The following CSMD3 variants were observed in gnomAD, a reference collection of about 807,000 sequenced individuals.
CSMD3 encodes CUB and sushi domain-containing protein 3.
In CSMD3, 177 loss-of-function variants were observed where a neutral mutation model predicts 435.2. The observed-to-expected ratio is 0.41, with a 90% confidence interval of 0.36 to 0.46. CSMD3 has a LOEUF of 0.46. Among genes scored for constraint, CSMD3 ranks in the 20% least tolerant of loss-of-function variants. The probability of loss-of-function intolerance (pLI) is 0.34; values close to 1 mark genes in which losing one functional copy is unlikely to be tolerated. For synonymous variants in CSMD3, 1,656 were observed against 1,520.5 expected (o/e 1.09, Z -2.07); for missense variants, 4,265 against 4,504.6 (o/e 0.95, Z 1.52).
intron 1 of CSMD3, among the ~76,000 whole-genome samples, chr8:113,359,893 AAACATGTGCAGCTTC>A (rs1310648742): frequency 6.6e-6 from 1 of 152,186 alleles, no homozygotes; most frequent in Non-Finnish European, 1.5e-5. Context: ...TTTTGAAATC[AAACATGTGCAGCTTC>A]AACATGGGTA....
At chr8:112,275,290 G>C (rs1185351864) in intron 59 of CSMD3, among the ~76,000 whole-genome samples, 1 of 152,144 alleles carries the variant, frequency 6.6e-6, no homozygotes, top group Non-Finnish European at 1.5e-5. Context: ...GCTCTCGCCT[G>C]TAACCCCAGC....
chr8:113,279,144 A>G (rs137949977), intron 2 of CSMD3, among the ~76,000 whole-genome samples: 1 of 151,228 alleles, frequency 6.6e-6, no homozygotes, highest in African/African-American at 2.4e-5. Flanking sequence ...ATATTTATGT[A>G]ATTATGACTA....
At chr8:113,012,801 A>G (rs2086304725) in intron 6 of CSMD3, among the ~76,000 whole-genome samples, 1 of 152,010 alleles carries the variant, frequency 6.6e-6, no homozygotes, top group Non-Finnish European at 1.5e-5. Context: ...TCCCTTTGAT[A>G]ATACAGTTCA....
intron 22 of CSMD3, among the ~76,000 whole-genome samples, chr8:112,608,411 C>A (rs1055699866): frequency 7.2e-5 from 11 of 152,052 alleles, no homozygotes; most frequent in Middle Eastern, 3.4e-3. Flanking sequence ...ATCAAAATTC[C>A]AATAGCATTT....
At chr8:112,955,749 C>G (rs1390509766) in intron 7 of CSMD3, among the ~76,000 whole-genome samples, 1 of 151,724 alleles carries the variant, frequency 6.6e-6, no homozygotes, top group Non-Finnish European at 1.5e-5. Flanking sequence ...GTGTGGAAAT[C>G]TTTACATATT....
At chr8:112,250,989 A>T (rs1815206626) in intron 63 of CSMD3, among the ~76,000 whole-genome samples, 1 of 151,740 alleles carries the variant, frequency 6.6e-6, no homozygotes, top group Non-Finnish European at 1.5e-5. Flanking sequence ...AAATAATATA[A>T]TAGACATTTT....
intron 7 of CSMD3, among the ~76,000 whole-genome samples, chr8:112,965,438 C>T (rs897112723): frequency 6.6e-5 from 10 of 151,340 alleles, no homozygotes; most frequent in East Asian, 1.9e-4. Flanking sequence ...ATCTGATTAA[C>T]GGTTACAGGT....
chr8:112,365,311 T>C (rs1827659775), intron 38 of CSMD3, among the ~76,000 whole-genome samples: 1 of 152,054 alleles, frequency 6.6e-6, no homozygotes. Context: ...AACTTATTTA[T>C]ATGTTAGGTA....
chr8:112,444,606 CA>C (rs1815393932), intron 32 of CSMD3, among the ~76,000 whole-genome samples: 1 of 152,098 alleles, frequency 6.6e-6, no homozygotes, highest in Non-Finnish European at 1.5e-5. Flanking sequence ...ATAAGGCAAA[CA>C]AAATAGTGCA....
intron 1 of CSMD3, among the ~76,000 whole-genome samples, chr8:113,394,369 T>C (rs1249198918): frequency 2.0e-5 from 3 of 152,140 alleles, no homozygotes; most frequent in Non-Finnish European, 4.4e-5. Context: ...TCTTTTTTAC[T>C]GAATACATAT....
intron 5 of CSMD3, among the ~76,000 whole-genome samples, chr8:113,083,945 T>C (rs979991782): frequency 2.0e-5 from 3 of 151,922 alleles, no homozygotes; most frequent in African/African-American, 7.3e-5. Flanking sequence ...TGCCCTCCAG[T>C]CTGGACAACA....
chr8:112,343,866 T>G (rs751281250), intron 41 of CSMD3, among the ~76,000 whole-genome samples: 4 of 151,634 alleles, frequency 2.6e-5, no homozygotes, highest in Admixed American at 2.0e-4. Context: ...CCAGGCTGGT[T>G]GATTATTTAT....
At chr8:113,254,228 C>T (rs1054800156) in intron 3 of CSMD3, among the ~76,000 whole-genome samples, 6 of 152,144 alleles carry the variant, frequency 3.9e-5, no homozygotes, top group African/African-American at 1.4e-4. Context: ...GGTAAGGTTT[C>T]CCTTCTAATG....
intron 3 of CSMD3, among the ~76,000 whole-genome samples, chr8:113,177,789 T>C (rs1483490291): frequency 6.6e-6 from 1 of 152,052 alleles, no homozygotes; most frequent in Admixed American, 6.6e-5. Context: ...TGGAAATATG[T>C]ATATTTTATT....
intron 6 of CSMD3, among the ~76,000 whole-genome samples, chr8:112,987,751 T>G (rs1191031334): frequency 6.6e-6 from 1 of 152,120 alleles, no homozygotes; most frequent in South Asian, 2.1e-4. Context: ...ATATTTCTTT[T>G]CCATCACCTC....
chr8:112,815,106 G>T (rs555339785), intron 12 of CSMD3, among the ~76,000 whole-genome samples: 10 of 150,774 alleles, frequency 6.6e-5, no homozygotes, highest in African/African-American at 2.4e-4. Flanking sequence ...AAAAAAAAAA[G>T]AAAAAACCCT....
At chr8:112,887,158 A>C (rs370999900) in intron 10 of CSMD3, among the ~76,000 whole-genome samples, 1 of 151,042 alleles carries the variant, frequency 6.6e-6, no homozygotes, top group East Asian at 2.0e-4. Context: ...CACCTATCAT[A>C]TAGTAAGCAC....
chr8:112,554,884 T>G (rs968484047), intron 25 of CSMD3, among the ~76,000 whole-genome samples: 19 of 152,036 alleles, frequency 1.2e-4, no homozygotes, highest in Admixed American at 1.2e-3. Flanking sequence ...CTTATTTGAC[T>G]GAGGCTAAAA....
At chr8:112,481,828 C>A (rs1563595964) in intron 31 of CSMD3, among the ~76,000 whole-genome samples, 1 of 152,030 alleles carries the variant, frequency 6.6e-6, no homozygotes, top group African/African-American at 2.4e-5. Context: ...TTCTTTTGTT[C>A]AAAAATTTGA....
Sources: allele counts gnomAD v4.1 joint callset (sites outside exome capture counted in the v4.1 genomes callset), GRCh38; gene constraint gnomAD v4.1.1; transcripts MANE v1.5; gene names NCBI Gene and HGNC (gene_info 2026-07-23, HGNC 2026-07-21).